Variants in ST18 observed in about 807,000 individuals in gnomAD.
ST18 encodes suppression of tumorigenicity 18 protein.
ST18 carries 50 observed loss-of-function variants against 110.0 expected under a neutral mutation model. The observed-to-expected ratio is 0.45, with a 90% CI of 0.36 to 0.58. The LOEUF (loss-of-function observed/expected upper bound fraction) is 0.58. ST18 is among the 20% of genes least tolerant of loss of function. The pLI is 0.00. For missense variants in ST18, 1,306 were observed against 1,280.1 expected (o/e 1.02, Z -0.31); for synonymous variants, 461 against 452.4 (o/e 1.02, Z -0.24).
intron 2 of ST18, among the ~76,000 whole-genome samples, chr8:52,382,396 A>C (rs549187407): frequency 6.6e-6 from 1 of 152,350 alleles, no homozygotes; most frequent in South Asian, 2.1e-4. Context: ...AAAATAAAAA[A>C]CACTGTTATC....
In ST18 at chr8:52,172,317, A is replaced by G. The variant is rs1563852597; in HGVS notation, c.544T>C (p.Ser182Pro). Residue 182 changes from serine (S) to proline (P), a missense_variant, in exon 10 of 26, where the codon TCT (serine) becomes CCT (proline). By Grantham distance (74) the Ser-to-Pro change is moderately conservative (BLOSUM62 -1). Transcript: ENST00000689386. The part of the protein sequence containing the change: ...SDDGRDKIDD[S>P]QPPFCSSDDN... Reference sequence around the variant, plus strand: ...TCAGAGGAGCAGAAGGGTGGCTGAGAATCATCAATCTTGTCTCTTCCATCA... The same window carrying G: ...TCAGAGGAGCAGAAGGGTGGCTGAGGATCATCAATCTTGTCTCTTCCATCA... 2 of 1,614,198 alleles carry G rather than the reference A, an allele frequency of 1.2e-6. No individual in the cohort carries two copies. The highest frequency in any genetic ancestry group is 1.7e-6 in the Non-Finnish European group (2 of 1,180,038).
At chr8:52,332,754 GGCGGGAGAA>G (rs1810175713) in intron 2 of ST18, among the ~76,000 whole-genome samples, 1 of 152,054 alleles carries the variant, frequency 6.6e-6, no homozygotes, top group African/African-American at 2.4e-5. Flanking sequence ...AGGAGGCTGA[GGCGGGAGAA>G]TCGCTTGAAC....
intron 22 of ST18, among the ~76,000 whole-genome samples, chr8:52,130,328 G>A (rs1261808889): frequency 6.6e-6 from 1 of 152,134 alleles, no homozygotes; most frequent in African/African-American, 2.4e-5. Context: ...GTCTTGTTCT[G>A]TCACCAGGCT....
rs367964823 is a variant in ST18, at chr8:52,155,168, C to T, written c.1806+3730G>A. Among the ~76,000 whole-genome samples, 5 of 150,724 alleles carry T rather than the reference C, an allele frequency of 3.3e-5. No individual in the cohort carries two copies. In the South Asian group the frequency reaches 1.1e-3, roughly 32 times the overall value. The stretch of plus-strand genomic sequence containing the variant: ...AGTGAGTGAAGATAACACCAATGCA[C>T]TCCAGCCTGGGTGACAGAGTGAGAC... On this transcript the variant is annotated intron_variant, in intron 15 of 25. Coordinates refer to ENST00000689386, the MANE Select transcript of ST18 (RefSeq NM_001352837.2).
intron 2 of ST18, among the ~76,000 whole-genome samples, chr8:52,289,248 A>G (rs1348236837): frequency 6.6e-6 from 1 of 152,174 alleles, no homozygotes; most frequent in Non-Finnish European, 1.5e-5. Context: ...TTGAGAGGCC[A>G]AGGCAGTGGG....
intron 2 of ST18, among the ~76,000 whole-genome samples, chr8:52,324,348 T>C (rs1805343225): frequency 6.6e-6 from 1 of 151,988 alleles, no homozygotes. Context: ...GATGGATAAA[T>C]GGATGAATAG....
intron 2 of ST18, among the ~76,000 whole-genome samples, chr8:52,398,197 CATTTTCTTG>C (rs1841799583): frequency 1.3e-5 from 2 of 152,066 alleles, no homozygotes; most frequent in Admixed American, 1.3e-4. Context: ...GAAATGGGAT[CATTTTCTTG>C]ATTTTCTTCC....
chr8:52,125,826 C>T, intron 23 of ST18: 1 of 510,748 alleles, frequency 2.0e-6, no homozygotes, highest in South Asian at 3.0e-5. Flanking sequence ...TACCCCACTG[C>T]CTGACTTTCT....
chr8:52,132,833 C>A (rs1205584059), intron 21 of ST18, among the ~76,000 whole-genome samples: 1 of 152,100 alleles, frequency 6.6e-6, no homozygotes, highest in Non-Finnish European at 1.5e-5. Flanking sequence ...ATGTATGAAA[C>A]TGTTACTTTT....
rs2068558291 is a variant in ST18, at chr8:52,179,680, A to T, written c.277+442T>A. On this transcript the variant is annotated intron_variant, in intron 9 of 25. Coordinates refer to ENST00000689386, the MANE Select transcript of ST18 (RefSeq NM_001352837.2). ...AAAATTAAAAAAAATTTTTAACTGT[A>T]ATATATACATATATATATCATCATC... Among the ~76,000 whole-genome samples the T allele has an allele frequency of 2.6e-5, 4 of 152,298 alleles. No homozygotes were observed. The South Asian group carries it at 8.3e-4, about 32-fold the overall frequency.
intron 8 of ST18, among the ~76,000 whole-genome samples, chr8:52,202,322 A>T (rs1338943121): frequency 6.6e-6 from 1 of 152,220 alleles, no homozygotes; most frequent in Non-Finnish European, 1.5e-5. Flanking sequence ...CTCTAGTAAC[A>T]TCATGTACGA....
At chr8:52,294,443 C>T (rs2095601221) in intron 2 of ST18, 1 of 152,268 alleles carries the variant, frequency 6.6e-6, no homozygotes, top group Non-Finnish European at 1.5e-5. Context: ...AGGCCCCTCC[C>T]ATAGGGACCA....
intron 19 of ST18, among the ~76,000 whole-genome samples, chr8:52,136,105 A>G (rs989228567): frequency 4.6e-5 from 7 of 152,240 alleles, no homozygotes; most frequent in African/African-American, 1.7e-4. Context: ...TCACAAAGTA[A>G]AAGTTAATAC....
chr8:52,147,973 A>T (rs2057791199), intron 16 of ST18, among the ~76,000 whole-genome samples: 1 of 152,156 alleles, frequency 6.6e-6, no homozygotes, highest in Non-Finnish European at 1.5e-5. Context: ...TCCATTTCAG[A>T]CAAGATGTGC....
chr8:52,204,466 C>T (rs777437436), intron 8 of ST18, among the ~76,000 whole-genome samples: 2 of 152,290 alleles, frequency 1.3e-5, no homozygotes, highest in Non-Finnish European at 2.9e-5. Flanking sequence ...CAGGGGATGC[C>T]GTGGTTCTGA....
chr8:52,200,822 TC>T (rs1161394040), intron 8 of ST18, among the ~76,000 whole-genome samples: 1 of 152,126 alleles, frequency 6.6e-6, no homozygotes. Flanking sequence ...CTTTTGAATG[TC>T]CCCATTTACT....
At chr8:52,280,048 G>T (rs2095346195) in intron 2 of ST18, among the ~76,000 whole-genome samples, 1 of 152,126 alleles carries the variant, frequency 6.6e-6, no homozygotes, top group Non-Finnish European at 1.5e-5. Flanking sequence ...AGGAGGGTGG[G>T]TTTGAGTTGA....
intron 2 of ST18, among the ~76,000 whole-genome samples, chr8:52,371,639 C>T (rs528813137): frequency 4.6e-5 from 7 of 152,254 alleles, no homozygotes; most frequent in African/African-American, 9.6e-5. Context: ...ATAAGCTCAA[C>T]GCTTTTCCAG....
intron 3 of ST18, among the ~76,000 whole-genome samples, chr8:52,223,851 C>T (rs540747233): frequency 3.3e-5 from 5 of 152,124 alleles, no homozygotes; most frequent in Admixed American, 6.6e-5. Flanking sequence ...ACCAAGGGAA[C>T]CAGACCATTC....
Sources: gnomAD v4.1 joint callset for allele counts (sites outside exome capture counted in the v4.1 genomes callset) on GRCh38, gnomAD v4.1.1 for gene constraint, MANE v1.5 for transcripts, NCBI Gene and HGNC (gene_info 2026-07-23, HGNC 2026-07-21) for gene names.